SCN1A: variants seen among roughly 807,000 people sequenced by gnomAD.
SCN1A encodes the protein sodium channel protein type 1 subunit alpha.
SCN1A carries 13 observed loss-of-function variants against 193.7 expected under a neutral mutation model. That is an observed-to-expected ratio of 0.07 (90% CI 0.04 to 0.11). The LOEUF (loss-of-function observed/expected upper bound fraction) is 0.11, where lower values mean the gene tolerates loss of function less well. Ranked by LOEUF, SCN1A falls within the 10% of genes least tolerant of loss-of-function variation. The probability of loss-of-function intolerance (pLI) is 1.00; values close to 1 mark genes in which losing one functional copy is unlikely to be tolerated. For missense variants in SCN1A, 1,432 were observed against 2,451.1 expected, an observed-to-expected ratio of 0.58 and a Z score of 8.78; for synonymous variants, 781 against 843.6, an observed-to-expected ratio of 0.93 and a Z score of 1.29.
rs1004949229 is a variant in SCN1A at position 166,022,218 on chromosome 2, G to A, written c.3430-6491C>T. Among the ~76,000 whole-genome samples, 10 of 151,934 alleles carry A rather than the reference G, an allele frequency of 6.6e-5. No individual in the cohort carries two copies. The South Asian group carries it at 1.0e-3, about 16-fold the overall frequency. Reference sequence around the variant, plus strand: ...GTGGTGAATATAGGGGAAATTATGTGGAATTTAGTATCATGAATTTCAGTG... The same window carrying A: ...GTGGTGAATATAGGGGAAATTATGTAGAATTTAGTATCATGAATTTCAGTG... On this transcript the variant is annotated intron_variant, in intron 19 of 28. Coordinates refer to ENST00000674923, the MANE Select transcript of SCN1A (RefSeq NM_001165963.4).
rs1380595339 is a variant in SCN1A at position 166,002,765 on chromosome 2, A to G, written c.4003-12T>C. ...GCATTCACAACCACCTAATACACAAATGGAAAAAAAGAAAAGTCAGAATTC... is the reference window on the plus strand; with the variant it reads ...GCATTCACAACCACCTAATACACAAGTGGAAAAAAAGAAAAGTCAGAATTC... On this transcript the variant is annotated splice_polypyrimidine_tract_variant and intron_variant, in intron 23 of 28. Coordinates refer to ENST00000674923, the MANE Select transcript of SCN1A (RefSeq NM_001165963.4). 6.3e-7 allele frequency: 1 copy of G among 1,597,066 alleles called. No individual in the cohort carries two copies. The highest frequency in any genetic ancestry group is 1.4e-5 in the African/African-American group (1 of 73,784).
At chr2:166,040,157 A>T (rs1696983030) in intron 16 of SCN1A, among the ~76,000 whole-genome samples, 1 of 152,054 alleles carries the variant, frequency 6.6e-6, no homozygotes. Context: ...TGACCTCGTG[A>T]TCCGTCCGCC....
At chr2:166,141,307 ATT>A (rs67088633) in intron 1 of SCN1A, among the ~76,000 whole-genome samples, 121,802 of 150,678 alleles carry the variant, frequency 0.81, 49,752 homozygotes, top group African/African-American at 0.94. Context: ...ATCGCTGTTA[ATT>A]TTTTTTTTTT....
chr2:166,082,278 T>C (rs199970956), intron 2 of SCN1A, among the ~76,000 whole-genome samples: 1 of 152,192 alleles, frequency 6.6e-6, no homozygotes, highest in South Asian at 2.1e-4. Context: ...AAATATGTCA[T>C]TTGTCCCAGG....
intron 19 of SCN1A, among the ~76,000 whole-genome samples, chr2:166,019,730 A>C (rs1325904559): frequency 6.6e-6 from 1 of 152,192 alleles, no homozygotes; most frequent in Non-Finnish European, 1.5e-5. Context: ...TTTGTGGTCC[A>C]CAAAGCTTAG....
chr2:166,040,210 G>C (rs1008898198), intron 16 of SCN1A, among the ~76,000 whole-genome samples: 1 of 152,086 alleles, frequency 6.6e-6, no homozygotes, highest in South Asian at 2.1e-4. Flanking sequence ...GAGCCACTGC[G>C]CCCAGCCCAA....
chr2:166,027,834 T>G (rs1695013194), intron 19 of SCN1A, among the ~76,000 whole-genome samples: 1 of 152,078 alleles, frequency 6.6e-6, no homozygotes, highest in Non-Finnish European at 1.5e-5. Flanking sequence ...TATTGTACAC[T>G]ATGCATATTA....
At chr2:166,029,210 G>A (rs1834840) in intron 19 of SCN1A, among the ~76,000 whole-genome samples, 112,060 of 151,952 alleles carry the variant, frequency 0.74, 41,718 homozygotes, top group East Asian at 0.89. Flanking sequence ...TGTGAGCAAT[G>A]GGCAACTCCT....
At chr2:166,075,821 TATA>T (rs1181768611) in intron 3 of SCN1A, among the ~76,000 whole-genome samples, 1 of 152,028 alleles carries the variant, frequency 6.6e-6, no homozygotes, top group Non-Finnish European at 1.5e-5. Flanking sequence ...TCCTCACCAA[TATA>T]ATATGTTATC....
intron 19 of SCN1A, among the ~76,000 whole-genome samples, chr2:166,023,572 A>T (rs1443871017): frequency 6.6e-6 from 1 of 152,084 alleles, no homozygotes; most frequent in Non-Finnish European, 1.5e-5. Flanking sequence ...TCCAAGAGAG[A>T]TATGAAGTGA....
chr2:166,098,450 A>G, intron 2 of SCN1A, among the ~76,000 whole-genome samples: 1 of 152,202 alleles, frequency 6.6e-6, no homozygotes, highest in East Asian at 1.9e-4. Context: ...GAAACGAAAC[A>G]AGGGTGCTCA....
intron 24 of SCN1A, among the ~76,000 whole-genome samples, chr2:166,000,639 G>C (rs1182679538): frequency 2.0e-5 from 3 of 151,728 alleles, no homozygotes; most frequent in African/African-American, 7.2e-5. Flanking sequence ...GATTTCATGA[G>C]ACAAAAGCTA....
At chr2:166,090,212 C>G (rs1001012289) in intron 2 of SCN1A, among the ~76,000 whole-genome samples, 1 of 151,590 alleles carries the variant, frequency 6.6e-6, no homozygotes, top group Non-Finnish European at 1.5e-5. Context: ...TTTAAACTTT[C>G]GTACAGGCAG....
chr2:166,052,817 G>T, intron 8 of SCN1A, 35 bp downstream of exon 8: 2 of 1,496,924 alleles, frequency 1.3e-6, no homozygotes, highest in South Asian at 1.1e-5. Context: ...TGAATCACAT[G>T]ATGGGTCCGT....
intron 20 of SCN1A, among the ~76,000 whole-genome samples, chr2:166,014,586 G>A (rs1246487087): frequency 7.4e-6 from 1 of 135,650 alleles, no homozygotes; most frequent in African/African-American, 3.0e-5. Context: ...AAAAAAATCT[G>A]GTTTTCAAAA....
chr2:166,133,822 G>A (rs923878876), intron 1 of SCN1A: 4 of 152,060 alleles, frequency 2.6e-5, no homozygotes, highest in African/African-American at 9.7e-5. Flanking sequence ...CTGTTTTCAG[G>A]ACCTTCTCTT....
intron 1 of SCN1A, among the ~76,000 whole-genome samples, chr2:166,135,222 A>G (rs1691810375): frequency 1.3e-5 from 2 of 152,302 alleles, no homozygotes; most frequent in East Asian, 3.9e-4. Context: ...CTTTATATCA[A>G]TCACCTCACT....
intron 2 of SCN1A, among the ~76,000 whole-genome samples, chr2:166,118,302 C>CTTCTTT (rs1280285165): frequency 3.7e-5 from 3 of 81,072 alleles, no homozygotes; most frequent in African/African-American, 1.5e-4. Flanking sequence ...TATTTAGTTT[C>CTTCTTT]TTTTTTTTTT....
At chr2:166,000,284 A>T (rs1287162139) in intron 24 of SCN1A, among the ~76,000 whole-genome samples, 1 of 151,808 alleles carries the variant, frequency 6.6e-6, no homozygotes, top group Non-Finnish European at 1.5e-5. Context: ...TCCTTTTAAG[A>T]ATTTTGGAGC....
Sources: allele counts gnomAD v4.1 joint callset (sites outside exome capture counted in the v4.1 genomes callset), GRCh38; gene constraint gnomAD v4.1.1; transcripts MANE v1.5; gene names NCBI Gene and HGNC (gene_info 2026-07-23, HGNC 2026-07-21).